Variants in PLXNA4 observed in about 807,000 individuals in gnomAD.
PLXNA4 encodes the protein plexin-A4.
In PLXNA4, 44 loss-of-function variants were observed where a neutral mutation model predicts 191.8. The ratio of observed to expected loss-of-function variants is 0.23; its 90% CI spans 0.18 to 0.29. PLXNA4 has a LOEUF of 0.29. Among genes scored for constraint, PLXNA4 ranks in the 10% least tolerant of loss-of-function variants. The pLI, the probability that PLXNA4 is intolerant of heterozygous loss-of-function variation, is 1.00. For missense variants in PLXNA4, 1,800 were observed against 2,488.8 expected (o/e 0.72, Z 5.89); for synonymous variants, 1,082 against 1,009.5 (o/e 1.07, Z -1.36).
intron 3 of PLXNA4, among the ~76,000 whole-genome samples, chr7:132,341,944 T>C (rs1165976328): frequency 6.6e-6 from 1 of 152,078 alleles, no homozygotes; most frequent in East Asian, 1.9e-4. Flanking sequence ...GGCTAGTGAC[T>C]TAGTCAAAAT....
At chr7:132,189,010 G>GGAAAGGAAA (rs1562908987) in intron 14 of PLXNA4, among the ~76,000 whole-genome samples, 2 of 69,082 alleles carry the variant, frequency 2.9e-5, no homozygotes, top group African/African-American at 4.5e-5. Context: ...GAGAGAGAGA[G>GGAAAGGAAA]AGAGAGAGAG....
chr7:132,202,922 G>C, intron 11 of PLXNA4, 86 bp from the exon 12 acceptor site: 1 of 1,348,792 alleles, frequency 7.4e-7, no homozygotes, highest in Non-Finnish European at 9.9e-7. Context: ...AGAGTGCAGT[G>C]CCAGCCTGGG....
intron 3 of PLXNA4, chr7:132,384,487 G>C (rs561409149): frequency 9.1e-6 from 9 of 985,820 alleles, no homozygotes; most frequent in African/African-American, 1.7e-5. Context: ...CACTGCTCAC[G>C]CTTTGTTGTA....
intron 14 of PLXNA4, among the ~76,000 whole-genome samples, chr7:132,192,138 C>T (rs958395290): frequency 2.9e-4 from 44 of 152,222 alleles, no homozygotes; most frequent in African/African-American, 9.2e-4. Flanking sequence ...TGGTGTGGCA[C>T]GACACTCACG....
intron 9 of PLXNA4, among the ~76,000 whole-genome samples, chr7:132,222,814 A>G (rs367616257): frequency 6.6e-6 from 1 of 152,220 alleles, no homozygotes; most frequent in East Asian, 1.9e-4. Flanking sequence ...AGAAGAATAA[A>G]AATTCAGAGG....
At chr7:132,444,952 A>G (rs1236709188) in intron 3 of PLXNA4, among the ~76,000 whole-genome samples, 1 of 151,582 alleles carries the variant, frequency 6.6e-6, no homozygotes, top group Non-Finnish European at 1.5e-5. Context: ...TCATGAGGTC[A>G]GGAGATCCAG....
Position 132,168,368 on chromosome 7 carries a change from G to A in PLXNA4, c.4222C>T (p.Leu1408=). 6.2e-7 allele frequency: 1 copy of A among 1,609,116 alleles called. No homozygotes were observed. Among genetic ancestry groups the A allele is most frequent in the Non-Finnish European group, 8.5e-7 (1 of 1,176,822 alleles). Residue 1408 remains leucine (L), a synonymous_variant, in exon 22 of 32, where the codon CTG becomes TTG. Transcript: ENST00000321063. The part of the protein sequence containing the change: ...LEYATDVLKQ[L]LADLIDKNLE... ...TTCTTGTCAATGAGGTCGGCCAGCA[G>A]CTGCTTCAGCACATCAGTGGCGTAC...
chr7:132,615,024 G>T (rs896660076), intron 2 of PLXNA4, among the ~76,000 whole-genome samples: 4 of 152,060 alleles, frequency 2.6e-5, no homozygotes, highest in African/African-American at 9.7e-5. Flanking sequence ...CCGAGCCCTC[G>T]CCCTCTTTCA....
At chr7:132,382,343 G>C (rs1274593883) in intron 3 of PLXNA4, among the ~76,000 whole-genome samples, 1 of 152,068 alleles carries the variant, frequency 6.6e-6, no homozygotes, top group Non-Finnish European at 1.5e-5. Context: ...CAGCTGAGGG[G>C]TGCAGTGTAG....
intron 4 of PLXNA4, among the ~76,000 whole-genome samples, chr7:132,252,348 G>C (rs1420570650): frequency 9.3e-6 from 1 of 107,912 alleles, no homozygotes; most frequent in African/African-American, 3.6e-5. Context: ...GTCTCACTCT[G>C]TTGCCCAGGC....
In PLXNA4 at chr7:132,489,298, C is replaced by A; in HGVS notation, c.1365G>T (p.Leu455=). 1 of 1,583,410 alleles carries A rather than the reference C, an allele frequency of 6.3e-7. No homozygotes were observed. Among genetic ancestry groups the A allele is most frequent in the African/African-American group, 1.3e-5 (1 of 74,586 alleles). The change falls in exon 3 of 32, where the codon CTG becomes CTT. Residue 455 remains leucine, a synonymous_variant. Transcript: ENST00000321063. ...TACTGCACCTCATTCCTACCTTCTT[C>A]AGCTTGCCACTTTTGGTGCCCACAA... ...LAFVGTKSGK[L]KKIRVDGPRG...
At chr7:132,493,747 GTGGATGGA>G (rs369999925) in intron 2 of PLXNA4, among the ~76,000 whole-genome samples, 112,004 of 146,192 alleles carry the variant, frequency 0.77, 43,772 homozygotes, top group East Asian at 0.95. Flanking sequence ...GGGTGGATGG[GTGGATGGA>G]TGGATGGATG....
chr7:132,605,180 A>C (rs1802900719), intron 2 of PLXNA4, among the ~76,000 whole-genome samples: 1 of 152,186 alleles, frequency 6.6e-6, no homozygotes. Flanking sequence ...TGGGGAAGAT[A>C]AGTCATTTTA....
chr7:132,320,589 T>G (rs1211228542), intron 3 of PLXNA4, among the ~76,000 whole-genome samples: 1 of 152,132 alleles, frequency 6.6e-6, no homozygotes, highest in East Asian at 1.9e-4. Flanking sequence ...TGCTTTCACT[T>G]CTTACCTCCT....
chr7:132,207,165 G>A (rs1186643628), intron 10 of PLXNA4, among the ~76,000 whole-genome samples: 1 of 152,200 alleles, frequency 6.6e-6, no homozygotes, highest in East Asian at 1.9e-4. Flanking sequence ...TATGTACACT[G>A]TGTCCATCTC....
chr7:132,642,128 T>C (rs1470733563), intron 2 of PLXNA4, among the ~76,000 whole-genome samples: 1 of 152,208 alleles, frequency 6.6e-6, no homozygotes, highest in Non-Finnish European at 1.5e-5. Flanking sequence ...AAGATTTCAA[T>C]GACATTTTTA....
At chr7:132,554,625 A>C (rs1800709106) in intron 1 of PLXNA4, among the ~76,000 whole-genome samples, 1 of 152,208 alleles carries the variant, frequency 6.6e-6, no homozygotes, top group South Asian at 2.1e-4. Context: ...GCACGCTCTG[A>C]ACCAGGGTGC....
chr7:132,369,843 C>T (rs994287132), intron 3 of PLXNA4, among the ~76,000 whole-genome samples: 4 of 151,232 alleles, frequency 2.6e-5, no homozygotes, highest in African/African-American at 7.3e-5. Flanking sequence ...CTGAGGCGGG[C>T]GGATCACAAG....
At chr7:132,350,863 T>C (rs996735963) in intron 3 of PLXNA4, among the ~76,000 whole-genome samples, 1 of 152,080 alleles carries the variant, frequency 6.6e-6, no homozygotes, top group Non-Finnish European at 1.5e-5. Flanking sequence ...TTATTCAGAA[T>C]AGCCAAAAAA....
Sources: gnomAD v4.1 joint callset for allele counts (sites outside exome capture counted in the v4.1 genomes callset) on GRCh38, gnomAD v4.1.1 for gene constraint, MANE v1.5 for transcripts, NCBI Gene and HGNC (gene_info 2026-07-23, HGNC 2026-07-21) for gene names.